The following PAPPA variants were observed in gnomAD, a reference collection of about 807,000 sequenced individuals.
The protein encoded by PAPPA is pappalysin-1.
Under a neutral mutation model 164.0 loss-of-function variants are expected in PAPPA, and 60 were observed. That is an observed-to-expected ratio of 0.37 (90% CI 0.30 to 0.45). PAPPA has a LOEUF of 0.45. PAPPA is among the 20% of genes least tolerant of loss of function. PAPPA has a pLI of 1.00. For synonymous variants in PAPPA, 875 were observed against 814.1 expected (o/e 1.07, Z -1.27); for missense variants, 1,782 against 2,087.3 (o/e 0.85, Z 2.85).
At chr9:116,372,076 T>G (rs1846582408) in intron 19 of PAPPA, among the ~76,000 whole-genome samples, 1 of 152,156 alleles carries the variant, frequency 6.6e-6, no homozygotes, top group African/African-American at 2.4e-5. Flanking sequence ...TTTTTCTCAG[T>G]CCCCTTCCCT....
intron 6 of PAPPA, among the ~76,000 whole-genome samples, chr9:116,227,928 G>A (rs1844535404): frequency 6.6e-6 from 1 of 152,124 alleles, no homozygotes; most frequent in South Asian, 2.1e-4. Context: ...GGGGCTTCAA[G>A]GCATCAGTGG....
intron 10 of PAPPA, among the ~76,000 whole-genome samples, chr9:116,304,691 C>T (rs1845621684): frequency 1.3e-5 from 2 of 152,068 alleles, no homozygotes; most frequent in African/African-American, 2.4e-5. Context: ...GGGGGGCTGT[C>T]AGGAATTACT....
intron 18 of PAPPA, among the ~76,000 whole-genome samples, chr9:116,365,029 A>G (rs1846481219): frequency 6.6e-6 from 1 of 152,204 alleles, no homozygotes; most frequent in Admixed American, 6.5e-5. Context: ...ACAAGGCAGG[A>G]GAGCAGTTTT....
intron 1 of PAPPA, among the ~76,000 whole-genome samples, chr9:116,161,339 C>T (rs942764755): frequency 1.3e-5 from 2 of 152,120 alleles, no homozygotes; most frequent in Admixed American, 6.5e-5. Context: ...TCTCAGGATG[C>T]AAAAGGAGGG....
chr9:116,319,031 C>T (rs1845821211), intron 10 of PAPPA, among the ~76,000 whole-genome samples: 1 of 152,332 alleles, frequency 6.6e-6, no homozygotes, highest in African/African-American at 2.4e-5. Context: ...CACCCCAAAG[C>T]CTTGGCCTCC....
chr9:116,218,708 A>G (rs1844406122), intron 4 of PAPPA, among the ~76,000 whole-genome samples: 2 of 152,168 alleles, frequency 1.3e-5, no homozygotes, highest in African/African-American at 4.8e-5. Flanking sequence ...AGGATTTTAT[A>G]TCCATACAAT....
chr9:116,187,792 G>A lies in PAPPA; in HGVS notation c.1054G>A (p.Val352Met), dbSNP rs765817253. The change falls in exon 2 of 22, where the codon GTG becomes ATG. Residue 352 changes from valine (V) to methionine (M), a missense_variant. Val to Met is a conservative substitution (Grantham distance 21). Around this residue, in one of 2 missense-constraint regions of PAPPA, gnomAD observed 1,324 missense variants for 1,656.9 expected, o/e 0.80. Transcript: ENST00000328252. The surrounding 1 kb of genome is among the most constrained non-coding windows in gnomAD (Gnocchi z 4.2). ...GCTCTCAAGTTTCCGCCAGCCCAAG[G>A]TGGTGCGCTACCGCGTGGTCAACCT... Reference protein sequence around the residue: ...NQLSSFRQPKVVRYRVVNLYE... With the variant: ...NQLSSFRQPKMVRYRVVNLYE... The A allele has an allele frequency of 6.2e-7, 1 of 1,614,250 alleles. No individual in the cohort carries two copies. Among genetic ancestry groups the A allele is most frequent in the South Asian group, 1.1e-5 (1 of 91,090 alleles).
intron 21 of PAPPA, among the ~76,000 whole-genome samples, chr9:116,391,827 G>T (rs978902241): frequency 6.6e-6 from 1 of 152,228 alleles, no homozygotes; most frequent in Non-Finnish European, 1.5e-5. Context: ...TGTTCATGCT[G>T]TGGGTGGTAG....
chr9:116,184,318 A>G (rs1843943959), intron 1 of PAPPA, among the ~76,000 whole-genome samples: 1 of 152,210 alleles, frequency 6.6e-6, no homozygotes, highest in Non-Finnish European at 1.5e-5. Context: ...GTCTCATGAT[A>G]TCATCTAAGC....
Position 116,265,921 on chromosome 9 carries a change from G to A in PAPPA, c.2797G>A (p.Glu933Lys), listed in dbSNP as rs761805691. ...VITISGTEES[E>K]PSPAVTYIHG... ...AACTATTTCAGGAACTGAAGAGAGT[G>A]AGCCATCACCTGCTGTCACATACAT... Residue 933 changes from glutamate to lysine, a missense_variant, in exon 8 of 22, where the codon GAG becomes AAG. Around this residue, in one of 2 missense-constraint regions of PAPPA, gnomAD observed 1,324 missense variants for 1,656.9 expected, o/e 0.80. Coordinates refer to ENST00000328252, the MANE Select transcript of PAPPA (RefSeq NM_002581.5). 8 of 1,612,424 alleles carry A rather than the reference G, an allele frequency of 5.0e-6. No homozygotes were observed. In the African/African-American group the frequency reaches 6.7e-5, roughly 13 times the overall value.
At chr9:116,364,530 C>T (rs1367009233) in intron 18 of PAPPA, among the ~76,000 whole-genome samples, 1 of 152,196 alleles carries the variant, frequency 6.6e-6, no homozygotes, top group Non-Finnish European at 1.5e-5. Flanking sequence ...CATACACACA[C>T]AGGTAGCACA....
At chr9:116,181,958 T>G (rs1843910859) in intron 1 of PAPPA, among the ~76,000 whole-genome samples, 1 of 152,202 alleles carries the variant, frequency 6.6e-6, no homozygotes, top group South Asian at 2.1e-4. Context: ...CTTGTGGGGG[T>G]GCTGCAGAAC....
intron 17 of PAPPA, among the ~76,000 whole-genome samples, chr9:116,361,215 T>C (rs530180882): frequency 1.3e-5 from 2 of 152,330 alleles, no homozygotes; most frequent in South Asian, 4.1e-4. Context: ...CATAAATTTT[T>C]GCATTGGTGG....
At chr9:116,160,383 G>T (rs998348806) in intron 1 of PAPPA, among the ~76,000 whole-genome samples, 3 of 152,174 alleles carry the variant, frequency 2.0e-5, no homozygotes, top group African/African-American at 7.2e-5. Flanking sequence ...GATGTCAAAT[G>T]AATCTCTCGG....
rs569556822 is a variant in PAPPA at position 116,401,944 on chromosome 9, C to G, written c.*5328C>G. The G allele has an allele frequency of 2.6e-5, 4 of 151,620 alleles. No homozygotes were observed. Among genetic ancestry groups the G allele is most frequent in the Non-Finnish European group, 4.4e-5 (3 of 67,850 alleles). 9.4% of individuals were successfully genotyped at this position (151,620 alleles called of 1,614,324 possible). A position where few individuals can be genotyped will look rare whatever the true frequency, so the allele number is the denominator to read the frequency against. ...ATTCCAATCCTTTTTCTGTACCTCA[C>G]GCGCATAAATTTGCTGCTCCTATTT... On this transcript the variant is annotated 3_prime_UTR_variant, in exon 22 of 22. Coordinates refer to ENST00000328252, the MANE Select transcript of PAPPA (RefSeq NM_002581.5).
chr9:116,225,237 G>A (rs1380434861), intron 5 of PAPPA, among the ~76,000 whole-genome samples: 4 of 152,194 alleles, frequency 2.6e-5, no homozygotes, highest in South Asian at 2.1e-4. Flanking sequence ...GCCACTATGC[G>A]TGGATTGTGG....
In PAPPA at chr9:116,302,927, A is replaced by G. The variant is rs777994423; in HGVS notation, c.3124A>G (p.Ile1042Val). ...QDQQCPGWVI[I>V]GQPAASQVCR... ...CCAGCAATGCCCAGGCTGGGTCATC[A>G]TCGGACAGCCAGCAGCATCCCAGGT... Residue 1042 changes from isoleucine to valine, a missense_variant, in exon 10 of 22, where the codon ATC (isoleucine) becomes GTC (valine). Physicochemically the swap from Ile to Val is conservative, Grantham distance 29. Transcript: ENST00000328252. The G allele has an allele frequency of 2.5e-6, 4 of 1,613,732 alleles. No individual in the cohort carries two copies. Among genetic ancestry groups the G allele is most frequent in the Admixed American group, 1.7e-5 (1 of 59,984 alleles).
At chr9:116,201,063 T>A (rs1297078093) in intron 2 of PAPPA, among the ~76,000 whole-genome samples, 1 of 152,200 alleles carries the variant, frequency 6.6e-6, no homozygotes, top group East Asian at 1.9e-4. Context: ...TCTGTGTCTC[T>A]TTTTATAGAC....
chr9:116,314,919 G>A (rs1845769512), intron 10 of PAPPA, among the ~76,000 whole-genome samples: 1 of 152,114 alleles, frequency 6.6e-6, no homozygotes, highest in Admixed American at 6.5e-5. Flanking sequence ...CATTGCTTGT[G>A]TCCACAGCTT....
Sources: gnomAD v4.1 joint callset for allele counts (sites outside exome capture counted in the v4.1 genomes callset) on GRCh38, gnomAD v4.1.1 for gene constraint, gnomAD v4.1.1 regional missense constraint, Gnocchi (gnomAD v3.1) non-coding constraint, MANE v1.5 for transcripts, NCBI Gene and HGNC (gene_info 2026-07-23, HGNC 2026-07-21) for gene names.